APOM: variants seen among roughly 807,000 people sequenced by gnomAD.
APOM encodes the protein apolipoprotein M.
In APOM, 24 loss-of-function variants were observed where a neutral mutation model predicts 23.5. The observed-to-expected ratio is 1.02, with a 90% CI of 0.74 to 1.44. The LOEUF (loss-of-function observed/expected upper bound fraction) is 1.44, where lower values mean the gene tolerates loss of function less well. Among genes scored for constraint, APOM ranks in the 40% most tolerant of loss-of-function variants. APOM has a pLI of 0.00. For missense variants in APOM, 200 were observed against 233.2 expected (o/e 0.86, Z 0.93); for synonymous variants, 82 against 84.1 (o/e 0.97, Z 0.14).
chr6:31,655,196 C>G (rs1201475506), upstream of APOM, among the ~76,000 whole-genome samples: 2 of 152,240 alleles, frequency 1.3e-5, no homozygotes, highest in Non-Finnish European at 2.9e-5. Context: ...CCACCTTGGC[C>G]TCTCAAAGTG....
Position 31,656,099 on chromosome 6 carries a change from G to A in APOM, c.114+19G>A. 1.3e-6 allele frequency: 2 copies of A among 1,541,582 alleles called. No individual in the cohort carries two copies. Among genetic ancestry groups the A allele is most frequent in the African/African-American group, 1.4e-5 (1 of 73,158 alleles). On this transcript the variant is annotated intron_variant, in intron 1 of 5. Transcript: ENST00000375916. ...GAAGGAGGTATGGACTGAGATTGGG[G>A]GAAGCCTATGGTGGAGGCTCTGAGG...
intron 1 of APOM, 39 bp from the exon 2 acceptor site, chr6:31,656,433 G>A: frequency 6.2e-7 from 1 of 1,604,870 alleles, no homozygotes; most frequent in Non-Finnish European, 8.5e-7. Context: ...ATCCTGTGCT[G>A]GAACCCACCC....
upstream of APOM, among the ~76,000 whole-genome samples, chr6:31,653,130 G>A (rs535905502): frequency 4.9e-4 from 74 of 152,252 alleles, 1 homozygote; most frequent in Middle Eastern, 3.4e-3. Context: ...GTGGCCAAGG[G>A]GACATGACAC....
chr6:31,657,940 C>G (rs927686867), intron 5 of APOM, 124 bp from the exon 6 acceptor site: 25 of 1,097,720 alleles, frequency 2.3e-5, no homozygotes, highest in Non-Finnish European at 3.5e-5. Context: ...GGGAAAAGAG[C>G]CTTAGAGACT....
At chr6:31,657,553 A>G (rs2151146386) in intron 4 of APOM, 72 bp from the exon 5 acceptor site, 2 of 1,600,024 alleles carry the variant, frequency 1.2e-6, no homozygotes, top group Non-Finnish European at 1.7e-6. Flanking sequence ...TCTGGGTCCT[A>G]TGACACCCTC....
intron 2 of APOM, among the ~76,000 whole-genome samples, chr6:31,656,918 G>A (rs1379352412): frequency 2.0e-5 from 3 of 152,054 alleles, no homozygotes; most frequent in Admixed American, 6.5e-5. Flanking sequence ...AGGCTGAGGC[G>A]GACAGATCAC....
At position 31,657,386 on chromosome 6, in the gene APOM, C is replaced by A. The variant is rs185616372; in HGVS notation, c.350C>A (p.Pro117His). Residue 117 changes from proline (P) to histidine (H), a missense_variant, in exon 4 of 6, where the codon CCT becomes CAT. By Grantham distance (77) the Pro-to-His change is moderately conservative. Coordinates refer to ENST00000375916, the MANE Select transcript of APOM (RefSeq NM_019101.3). Reference protein sequence around the residue: ...GSTDLRTEGRPDMKTELFSSS... With the variant: ...GSTDLRTEGRHDMKTELFSSS... ...CTCCCACCTGCCTTGACAGGCCGCC[C>A]TGACATGAAGACTGAGCTCTTTTCC... 2 of 1,613,086 alleles carry A rather than the reference C, an allele frequency of 1.2e-6. No individual in the cohort carries two copies. Among genetic ancestry groups the A allele is most frequent in the Non-Finnish European group, 1.7e-6 (2 of 1,180,030 alleles).
In APOM at chr6:31,657,690, T is replaced by G; in HGVS notation, c.508T>G (p.Ser170Ala). 2 of 1,613,192 alleles carry G rather than the reference T, an allele frequency of 1.2e-6. No individual in the cohort carries two copies. Among genetic ancestry groups the G allele is most frequent in the Non-Finnish European group, 1.7e-6 (2 of 1,179,954 alleles). Residue 170 changes from serine (S) to alanine (A), a missense_variant, in exon 5 of 6, where the codon TCC becomes GCC. Physicochemically the swap from Ser to Ala is moderately conservative, Grantham distance 99. Coordinates refer to ENST00000375916, the MANE Select transcript of APOM (RefSeq NM_019101.3). ...CAAGTCCCTGACTTCCTGCCTGGACTCCAAAGCCTTCTTATTGACTCCTAG... is the reference window on the plus strand; with the variant it reads ...CAAGTCCCTGACTTCCTGCCTGGACGCCAAAGCCTTCTTATTGACTCCTAG... ...EFKSLTSCLDSKAFLLTPRNQ... is the reference protein window; with the variant it reads ...EFKSLTSCLDAKAFLLTPRNQ...
intron 5 of APOM, 58 bp downstream of exon 5, chr6:31,657,781 C>T (rs2151147143): frequency 6.8e-7 from 1 of 1,477,472 alleles, no homozygotes; most frequent in Non-Finnish European, 9.5e-7. Context: ...TCTGGTGTTA[C>T]AGGGTGAAAG....
At position 31,657,374 on chromosome 6, in the gene APOM, T is replaced by C. The variant is rs1800218551; in HGVS notation, c.344-6T>C. Reference sequence around the variant, plus strand: ...GTTCTCATACTTCTCCCACCTGCCTTGACAGGCCGCCCTGACATGAAGACT... The same window carrying C: ...GTTCTCATACTTCTCCCACCTGCCTCGACAGGCCGCCCTGACATGAAGACT... On this transcript the variant is annotated splice_region_variant and splice_polypyrimidine_tract_variant and intron_variant, in intron 3 of 5. Transcript: ENST00000375916. 1 of 1,612,956 alleles carries C rather than the reference T, an allele frequency of 6.2e-7. No homozygotes were observed. Among genetic ancestry groups the C allele is most frequent in the Non-Finnish European group, 8.5e-7 (1 of 1,180,032 alleles).
intron 1 of APOM, among the ~76,000 whole-genome samples, 194 bp from the exon 2 acceptor site, chr6:31,656,278 T>G (rs1800045585): frequency 1.3e-5 from 2 of 151,952 alleles, no homozygotes; most frequent in Admixed American, 6.6e-5. Context: ...GTGGGGTGGT[T>G]ACCCAGGTTG....
upstream of APOM, among the ~76,000 whole-genome samples, chr6:31,653,611 T>G (rs1356887895): frequency 2.0e-5 from 3 of 152,200 alleles, no homozygotes; most frequent in Non-Finnish European, 2.9e-5. Flanking sequence ...GTGTCAGAAT[T>G]GACAAATCCA....
upstream of APOM, among the ~76,000 whole-genome samples, chr6:31,653,384 T>C (rs1799204183): frequency 6.6e-6 from 1 of 152,102 alleles, no homozygotes; most frequent in South Asian, 2.1e-4. Flanking sequence ...AAACTGCGAG[T>C]CCTCCAGAAA....
rs1192638318 is a variant in APOM at position 31,657,449 on chromosome 6, G to C, written c.413G>C (p.Gly138Ala). 6.2e-7 allele frequency: 1 copy of C among 1,612,860 alleles called. No individual in the cohort carries two copies. Among genetic ancestry groups the C allele is most frequent in the South Asian group, 1.1e-5 (1 of 91,072 alleles). Residue 138 changes from glycine (G) to alanine (A), a missense_variant, in exon 4 of 6, where the codon GGC (glycine) becomes GCC (alanine). Coordinates refer to ENST00000375916, the MANE Select transcript of APOM (RefSeq NM_019101.3). ...GGTGGAATCATGCTGAATGAGACAGGCCAGGGTTACCAGCGCTTTCTCCTC... is the reference window on the plus strand; with the variant it reads ...GGTGGAATCATGCTGAATGAGACAGCCCAGGGTTACCAGCGCTTTCTCCTC... Reference protein sequence around the residue: ...CPGGIMLNETGQGYQRFLLYN... With the variant: ...CPGGIMLNETAQGYQRFLLYN...
At chr6:31,655,786 G>A (rs1173161503), upstream of APOM, 1 of 582,058 alleles carries the variant, frequency 1.7e-6, no homozygotes, top group Non-Finnish European at 3.1e-6. Flanking sequence ...GGAAGAGGGG[G>A]AGGAAGTCCC....
intron 1 of APOM, 103 bp from the exon 2 acceptor site, chr6:31,656,369 C>G: frequency 7.9e-7 from 1 of 1,262,568 alleles, no homozygotes; most frequent in Non-Finnish European, 1.1e-6. Context: ...AGGAAGGCAG[C>G]CAACACCTCT....
At position 31,655,904 on chromosome 6, in the gene APOM, G is replaced by A; in HGVS notation, c.-63G>A. ...AAGGGAGCTGAAAGCAGAGTGGACT[G>A]AGCAGCCAGTAGGGGAGAGAGCAGT... On this transcript the variant is annotated 5_prime_UTR_variant, in exon 1 of 6. Coordinates refer to ENST00000375916, the MANE Select transcript of APOM (RefSeq NM_019101.3). 1.8e-6 allele frequency: 2 copies of A among 1,138,896 alleles called. No homozygotes were observed. The highest frequency in any genetic ancestry group is 5.1e-5 in the East Asian group (2 of 39,202). The allele number at this position is 1,138,896 out of a possible 1,614,324, so 70.5% of individuals were successfully genotyped here. A position where few individuals can be genotyped will look rare whatever the true frequency, so the allele number is the denominator to read the frequency against.
chr6:31,653,362 C>T (rs573865360), upstream of APOM, among the ~76,000 whole-genome samples: 128 of 152,302 alleles, frequency 8.4e-4, 1 homozygote, highest in Non-Finnish European at 1.5e-3. Flanking sequence ...GGCCAAGGGC[C>T]TCGGCCCCGC....
intron 1 of APOM, 145 bp downstream of exon 1, chr6:31,656,225 C>G (rs1403854279): frequency 2.5e-5 from 20 of 794,548 alleles, no homozygotes; most frequent in Middle Eastern, 3.6e-4. Context: ...AGAAAAATAT[C>G]AGTACTGTGG....
Sources: allele counts gnomAD v4.1 joint callset (sites outside exome capture counted in the v4.1 genomes callset), GRCh38; gene constraint gnomAD v4.1.1; transcripts MANE v1.5; gene names NCBI Gene and HGNC (gene_info 2026-07-23, HGNC 2026-07-21).